FOXO3: variants seen among roughly 807,000 people sequenced by gnomAD.
FOXO3 encodes forkhead box O3.
Under a neutral mutation model 41.9 loss-of-function variants are expected in FOXO3, and 4 were observed. The observed-to-expected ratio is 0.10, with a 90% confidence interval of 0.05 to 0.22. The LOEUF (loss-of-function observed/expected upper bound fraction) is 0.22, where lower values mean the gene tolerates loss of function less well. FOXO3 is among the 10% of genes least tolerant of loss of function. The pLI, the probability that FOXO3 is intolerant of heterozygous loss-of-function variation, is 1.00. For synonymous variants in FOXO3, 318 were observed against 389.3 expected (o/e 0.82, Z 2.16); for missense variants, 534 against 906.8 (o/e 0.59, Z 5.28).
chr6:108,656,584 A>G (rs767409303), intron 1 of FOXO3: 33 of 867,792 alleles, frequency 3.8e-5, no homozygotes, highest in African/African-American at 5.4e-5. Context: ...GGGATCTAAC[A>G]GTTGTTGGGA....
intron 1 of FOXO3, chr6:108,639,540 A>G: frequency 3.0e-6 from 3 of 985,300 alleles, no homozygotes; most frequent in Non-Finnish European, 3.6e-6. Context: ...GGGTACAGTG[A>G]CCCAAGGTGA....
intron 1 of FOXO3, among the ~76,000 whole-genome samples, chr6:108,660,134 C>T (rs561207407): frequency 2.6e-5 from 4 of 152,132 alleles, no homozygotes; most frequent in East Asian, 3.9e-4. Flanking sequence ...TCGGGACCTC[C>T]GTGTTTTTTC....
chr6:108,575,875 C>T (rs1003545133), intron 1 of FOXO3, among the ~76,000 whole-genome samples: 2 of 152,184 alleles, frequency 1.3e-5, no homozygotes, highest in Admixed American at 6.5e-5. Context: ...AAGCTCTGAA[C>T]TCAAACATTC....
At chr6:108,653,298 A>C (rs1238852067) in intron 1 of FOXO3, among the ~76,000 whole-genome samples, 1 of 152,128 alleles carries the variant, frequency 6.6e-6, no homozygotes, top group African/African-American at 2.4e-5. Context: ...TTGACCCCCT[A>C]CTATGTACCA....
At chr6:108,589,223 T>C (rs1776666699) in intron 1 of FOXO3, among the ~76,000 whole-genome samples, 1 of 152,178 alleles carries the variant, frequency 6.6e-6, no homozygotes, top group African/African-American at 2.4e-5. Context: ...TAGAGAGAAA[T>C]ATAGGCTGTA....
rs973932980 is a variant in FOXO3, at chr6:108,648,171, A to G, written c.622-15284A>G. ...GAAATGTTTCCTGGCCCAGGACTCC[A>G]TAATGGAATCTGTCTGGACCCTGCA... is the stretch of plus-strand genomic sequence containing the variant. On this transcript the variant is annotated intron_variant, in intron 1 of 2. Transcript: ENST00000406360. Among the ~76,000 whole-genome samples the G allele has an allele frequency of 4.5e-4, 68 of 152,324 alleles. 1 individual carries two copies. Among genetic ancestry groups the G allele is most frequent in the African/African-American group, 1.6e-3 (66 of 41,570 alleles).
chr6:108,657,259 C>G (rs1040184574), intron 1 of FOXO3, among the ~76,000 whole-genome samples: 1 of 152,212 alleles, frequency 6.6e-6, no homozygotes, highest in African/African-American at 2.4e-5. Flanking sequence ...ACGTTGGGGA[C>G]AAGCTGGTAC....
chr6:108,629,439 GTAGT>G (rs753879874), intron 1 of FOXO3, among the ~76,000 whole-genome samples: 4 of 152,154 alleles, frequency 2.6e-5, no homozygotes, highest in Non-Finnish European at 4.4e-5. Flanking sequence ...GAGAGGTCTG[GTAGT>G]TAGGGGTGTC....
At chr6:108,596,211 T>C in intron 1 of FOXO3, among the ~76,000 whole-genome samples, 1 of 151,996 alleles carries the variant, frequency 6.6e-6, no homozygotes, top group African/African-American at 2.4e-5. Flanking sequence ...TTTTTGTTAT[T>C]GTTTCCCAGT....
chr6:108,639,230 T>G (rs562513469), intron 1 of FOXO3, among the ~76,000 whole-genome samples: 13 of 152,288 alleles, frequency 8.5e-5, no homozygotes, highest in African/African-American at 3.1e-4. Context: ...ACTGGGTGGG[T>G]GAGGCTAAAT....
chr6:108,671,456 C>T (rs1192457810), intron 2 of FOXO3, among the ~76,000 whole-genome samples: 2 of 152,188 alleles, frequency 1.3e-5, no homozygotes, highest in South Asian at 4.1e-4. Context: ...GGACTTGCAG[C>T]AGAAGGCTGC....
chr6:108,576,942 C>T (rs1173712901), intron 1 of FOXO3, among the ~76,000 whole-genome samples: 1 of 152,088 alleles, frequency 6.6e-6, no homozygotes, highest in African/African-American at 2.4e-5. Context: ...AAGAAAATAA[C>T]TTTATCATTT....
chr6:108,665,074 C>T (rs1779009732), intron 2 of FOXO3, among the ~76,000 whole-genome samples, 185 bp downstream of exon 2: 1 of 152,228 alleles, frequency 6.6e-6, no homozygotes, highest in African/African-American at 2.4e-5. Context: ...ATAGGGCTGT[C>T]AGGTGCCCCC....
At chr6:108,576,539 G>T (rs919600254) in intron 1 of FOXO3, among the ~76,000 whole-genome samples, 3 of 152,196 alleles carry the variant, frequency 2.0e-5, no homozygotes, top group African/African-American at 7.2e-5. Flanking sequence ...TGTCTTCTAA[G>T]TTGGCTTTAA....
rs1210572224 is a variant in FOXO3 at position 108,664,505 on chromosome 6, G to A, written c.1672G>A (p.Gly558Ser). The change falls in exon 2 of 3, where the codon GGC (glycine) becomes AGC (serine). Residue 558 changes from glycine to serine, a missense_variant. This residue lies in a region of FOXO3 where 94 missense variants were observed against 214.4 expected (regional missense o/e 0.44). Transcript: ENST00000406360. ...CTTGTCGAATTCTGTCAGCAACATG[G>A]GCTTGAGTGAGTCCAGCAGCCTTGG... is the stretch of plus-strand genomic sequence containing the variant. Reference protein sequence around the residue: ...RALSNSVSNMGLSESSSLGSA... With the variant: ...RALSNSVSNMSLSESSSLGSA... 2 of 1,378,358 alleles carry A rather than the reference G, an allele frequency of 1.5e-6. No homozygotes were observed. Among genetic ancestry groups the A allele is most frequent in the Non-Finnish European group, 2.1e-6 (2 of 968,852 alleles). 85.4% of individuals were successfully genotyped at this position (1,378,358 alleles called of 1,614,324 possible). A position where few individuals can be genotyped will look rare whatever the true frequency, so the allele number is the denominator to read the frequency against.
chr6:108,560,909 C>CG (rs1775762253), upstream of FOXO3: 7 of 1,204,748 alleles, frequency 5.8e-6, no homozygotes, highest in Admixed American at 4.3e-5. Flanking sequence ...GCGGCCTGGC[C>CG]GGGGGGCGGT....
chr6:108,643,735 C>T (rs1279675116), intron 1 of FOXO3, among the ~76,000 whole-genome samples: 1 of 152,078 alleles, frequency 6.6e-6, no homozygotes, highest in Admixed American at 6.6e-5. Context: ...AGCAGTGTTG[C>T]CCACTAATTA....
intron 1 of FOXO3, among the ~76,000 whole-genome samples, chr6:108,611,098 AT>A (rs77668898): frequency 0.21 from 32,278 of 152,036 alleles, 3,793 homozygotes; most frequent in South Asian, 0.36. Context: ...ATGTAGAGTC[AT>A]TACTGTATGT....
intron 1 of FOXO3, among the ~76,000 whole-genome samples, chr6:108,654,769 T>C (rs1778640424): frequency 6.6e-6 from 1 of 152,152 alleles, no homozygotes; most frequent in African/African-American, 2.4e-5. Context: ...CTTAATGGTT[T>C]AAACTTTTAA....
Sources: gnomAD v4.1 joint callset for allele counts (sites outside exome capture counted in the v4.1 genomes callset) on GRCh38, gnomAD v4.1.1 for gene constraint, gnomAD v4.1.1 regional missense constraint, MANE v1.5 for transcripts, NCBI Gene and HGNC (gene_info 2026-07-23, HGNC 2026-07-21) for gene names.